FARP2: variants seen among roughly 807,000 people sequenced by gnomAD.
The protein encoded by FARP2 is FERM, ARH/RhoGEF and pleckstrin domain protein 2.
A neutral mutation model predicts 130.5 loss-of-function variants in FARP2; 111 were observed. The observed-to-expected ratio is 0.85, with a 90% CI of 0.73 to 1.00. The LOEUF (loss-of-function observed/expected upper bound fraction) is 1.00, where lower values mean the gene tolerates loss of function less well. Among genes scored for constraint, FARP2 ranks in the 50% least tolerant of loss-of-function variants. The probability of loss-of-function intolerance (pLI) is 0.00; values close to 1 mark genes in which losing one functional copy is unlikely to be tolerated. For missense variants in FARP2, 1,385 were observed against 1,346.3 expected, an observed-to-expected ratio of 1.03 and a Z score of -0.45; for synonymous variants, 504 against 516.9, an observed-to-expected ratio of 0.98 and a Z score of 0.34.
chr2:241,463,366 C>T lies in FARP2; in HGVS notation c.1709C>T (p.Ala570Val), dbSNP rs746060561. The change falls in exon 16 of 27, where the codon GCC becomes GTC. Residue 570 changes from alanine to valine, a missense_variant. Transcript: ENST00000264042. ...CGCAGCGCAGTGGTGAAGGAGGACG[C>T]CATGCCTGCGACTCTGATGACGCTG... is the stretch of plus-strand genomic sequence containing the variant. ...WFRSAVVKED[A>V]MPATLMTLLF... 2.0e-5 allele frequency: 33 copies of T among 1,614,002 alleles called. No homozygotes were observed. The Middle Eastern group carries it at 8.2e-4, about 40-fold the overall frequency.
At chr2:241,438,812 A>C (rs1236280202) in intron 12 of FARP2, among the ~76,000 whole-genome samples, 2 of 149,644 alleles carry the variant, frequency 1.3e-5, no homozygotes, top group Non-Finnish European at 3.0e-5. Flanking sequence ...TTTATTTTTC[A>C]GTGGAGACGG....
intron 13 of FARP2, among the ~76,000 whole-genome samples, chr2:241,453,438 T>A (rs77726357): frequency 2.0e-5 from 3 of 151,016 alleles, no homozygotes; most frequent in Non-Finnish European, 1.5e-5. Context: ...CTGGCTAACA[T>A]GGTGAAACCC....
At chr2:241,468,717 C>A (rs751565587) in intron 18 of FARP2, among the ~76,000 whole-genome samples, 10 of 152,248 alleles carry the variant, frequency 6.6e-5, no homozygotes, top group Admixed American at 2.0e-4. Context: ...CCACAGCCCC[C>A]ACAAGTGCAC....
intron 14 of FARP2, among the ~76,000 whole-genome samples, chr2:241,461,586 G>A (rs1431325512): frequency 6.6e-6 from 1 of 152,208 alleles, no homozygotes; most frequent in Non-Finnish European, 1.5e-5. Flanking sequence ...TCTGCGTTAT[G>A]TCTTGTACAG....
At chr2:241,386,139 C>T (rs1397305857) in intron 2 of FARP2, among the ~76,000 whole-genome samples, 1 of 152,142 alleles carries the variant, frequency 6.6e-6, no homozygotes, top group Non-Finnish European at 1.5e-5. Context: ...GTAACCCAGG[C>T]TTGAGTGCAG....
chr2:241,491,175 C>A lies in FARP2; in HGVS notation c.2619C>A (p.Pro873=). ...ALPGRTVCTR[P]PRSPNEVSLE... Reference sequence around the variant, plus strand: ...CAGGCCGCACTGTGTGCACTCGTCCCCCCAGTGAGTGCTGGCCACAACCCC... The same window carrying A: ...CAGGCCGCACTGTGTGCACTCGTCCACCCAGTGAGTGCTGGCCACAACCCC... The change falls in exon 23 of 27, where the codon CCC becomes CCA. Residue 873 remains proline, a synonymous_variant. Coordinates refer to ENST00000264042, the MANE Select transcript of FARP2 (RefSeq NM_014808.4). The A allele has an allele frequency of 6.2e-7, 1 of 1,606,846 alleles. No individual in the cohort carries two copies. Among genetic ancestry groups the A allele is most frequent in the Non-Finnish European group, 8.5e-7 (1 of 1,173,992 alleles).
intron 13 of FARP2, among the ~76,000 whole-genome samples, chr2:241,449,279 A>G (rs1030934036): frequency 6.6e-6 from 1 of 151,894 alleles, no homozygotes; most frequent in Admixed American, 6.6e-5. Context: ...TGGGCAATAT[A>G]GCGAGACCCG....
intron 7 of FARP2, among the ~76,000 whole-genome samples, chr2:241,417,295 C>CAAA (rs1162509119): frequency 7.4e-6 from 1 of 135,966 alleles, no homozygotes. Flanking sequence ...GAGACTCCAT[C>CAAA]AAAAAAAAAA....
intron 2 of FARP2, among the ~76,000 whole-genome samples, chr2:241,378,011 C>A (rs369264172): frequency 6.6e-4 from 101 of 152,324 alleles, no homozygotes; most frequent in Middle Eastern, 3.4e-3. Flanking sequence ...TATTTGCCAA[C>A]ACTTATTTTT....
At chr2:241,364,190 G>A (rs2061253847) in intron 1 of FARP2, among the ~76,000 whole-genome samples, 1 of 152,248 alleles carries the variant, frequency 6.6e-6, no homozygotes, top group South Asian at 2.1e-4. Flanking sequence ...GGAAGGCAGA[G>A]AGACTGGAAG....
intron 2 of FARP2, chr2:241,387,358 T>G (rs1165756700): frequency 6.6e-6 from 1 of 152,202 alleles, no homozygotes; most frequent in Admixed American, 6.5e-5. Flanking sequence ...TAGAAAAGTT[T>G]AACATACCTG....
Position 241,412,228 on chromosome 2 carries a change from A to G in FARP2, c.509-1079A>G, listed in dbSNP as rs190127099. On this transcript the variant is annotated intron_variant, in intron 6 of 26. Coordinates refer to ENST00000264042, the MANE Select transcript of FARP2 (RefSeq NM_014808.4). ...GGAAATGGCCCCTTGTAAAATCATC[A>G]GATCTCATGAAAGTCTCACTATTAC... is the stretch of plus-strand genomic sequence containing the variant. 1.3e-3 allele frequency among the ~76,000 whole-genome samples: 195 copies of G among 152,282 alleles called. 2 individuals carry two copies. Among genetic ancestry groups the G allele is most frequent in the Non-Finnish European group, 5.9e-5 (4 of 68,030 alleles).
rs1574836936 is a variant in FARP2, at chr2:241,444,185, A to T, written c.1411+2629A>T. ...CTGCCTTCTTGATGCTTTAGGGGCCATTGGGCACAGCTTTCTACATTGGCT... is the reference window on the plus strand; with the variant it reads ...CTGCCTTCTTGATGCTTTAGGGGCCTTTGGGCACAGCTTTCTACATTGGCT... On this transcript the variant is annotated intron_variant, in intron 13 of 26. Coordinates refer to ENST00000264042, the MANE Select transcript of FARP2 (RefSeq NM_014808.4). 5.9e-5 allele frequency: 9 copies of T among 152,396 alleles called. 3 individuals carry two copies. Among genetic ancestry groups the T allele is most frequent in the Admixed American group, 5.9e-4 (9 of 15,306 alleles). 9.4% of individuals were successfully genotyped at this position (152,396 alleles called of 1,614,324 possible).
intron 7 of FARP2, among the ~76,000 whole-genome samples, chr2:241,417,409 G>A (rs540846905): frequency 1.3e-5 from 2 of 152,122 alleles, no homozygotes; most frequent in East Asian, 1.9e-4. Flanking sequence ...TGTTAGAGAT[G>A]GAGTCTCGCT....
chr2:241,489,189 G>A (rs1403322394), intron 21 of FARP2: 2 of 152,236 alleles, frequency 1.3e-5, no homozygotes, highest in Non-Finnish European at 2.9e-5. Context: ...CAGGGAAGCT[G>A]TCCATTCTGT....
intron 13 of FARP2, among the ~76,000 whole-genome samples, chr2:241,450,576 G>A (rs900009344): frequency 1.3e-5 from 2 of 152,124 alleles, no homozygotes; most frequent in Admixed American, 6.6e-5. Flanking sequence ...TGAGGCAGGA[G>A]AATTGCTTGA....
chr2:241,439,341 T>C (rs988209124), intron 12 of FARP2, among the ~76,000 whole-genome samples: 1 of 152,028 alleles, frequency 6.6e-6, no homozygotes. Flanking sequence ...TTTTTTTTCT[T>C]TTTTTTGAGA....
intron 8 of FARP2, among the ~76,000 whole-genome samples, chr2:241,421,971 C>G (rs896506149): frequency 1.3e-5 from 2 of 151,962 alleles, no homozygotes; most frequent in Admixed American, 6.6e-5. Flanking sequence ...TGTTGAAACA[C>G]CATCTCTACT....
intron 18 of FARP2, among the ~76,000 whole-genome samples, chr2:241,472,022 GGGAA>G (rs879542576): frequency 0.029 from 2,965 of 103,354 alleles, no homozygotes; most frequent in Admixed American, 0.16. Flanking sequence ...CCTGTTTTCT[GGGAA>G]CACTGTTCTG....
Sources: gnomAD v4.1 joint callset for allele counts (sites outside exome capture counted in the v4.1 genomes callset) on GRCh38, gnomAD v4.1.1 for gene constraint, MANE v1.5 for transcripts, NCBI Gene and HGNC (gene_info 2026-07-23, HGNC 2026-07-21) for gene names.